SLC35F3: variants seen among roughly 807,000 people sequenced by gnomAD.
The protein encoded by SLC35F3 is putative thiamine transporter SLC35F3.
Under a neutral mutation model 49.9 loss-of-function variants are expected in SLC35F3, and 25 were observed. That is an observed-to-expected ratio of 0.50 (90% CI 0.37 to 0.70). SLC35F3 has a LOEUF of 0.70. Among genes scored for constraint, SLC35F3 ranks in the 30% least tolerant of loss-of-function variants. The probability of loss-of-function intolerance (pLI) is 0.00; values close to 1 mark genes in which losing one functional copy is unlikely to be tolerated. For synonymous variants in SLC35F3, 275 were observed against 265.4 expected (o/e 1.04, Z -0.35); for missense variants, 525 against 639.8 (o/e 0.82, Z 1.94).
At chr1:233,995,400 G>A (rs1937260) in intron 2 of SLC35F3, among the ~76,000 whole-genome samples, 41,243 of 141,102 alleles carry the variant, frequency 0.29, 5,657 homozygotes, top group East Asian at 0.5. Flanking sequence ...GGGAGCCCCT[G>A]GCCAGATGGA....
At chr1:234,005,341 G>A (rs1424342932) in intron 2 of SLC35F3, among the ~76,000 whole-genome samples, 1 of 152,144 alleles carries the variant, frequency 6.6e-6, no homozygotes, top group African/African-American at 2.4e-5. Flanking sequence ...CTTCATATGA[G>A]TGACTTGTTC....
chr1:234,017,263 C>T (rs1040411713), intron 2 of SLC35F3, among the ~76,000 whole-genome samples: 2 of 152,108 alleles, frequency 1.3e-5, no homozygotes, highest in Non-Finnish European at 2.9e-5. Context: ...TCTCATTATT[C>T]AAGTGGTGAT....
Position 233,964,986 on chromosome 1 carries a change from G to C in SLC35F3, c.283+59228G>C, listed in dbSNP as rs557612854. On this transcript the variant is annotated intron_variant, in intron 2 of 7. Coordinates refer to ENST00000366618, the MANE Select transcript of SLC35F3 (RefSeq NM_173508.4). Reference sequence around the variant, plus strand: ...ATAAGTGATGTTTTTCCCAATCCCTGACCATGGCCAGTGTCATGAAGTTGT... The same window carrying C: ...ATAAGTGATGTTTTTCCCAATCCCTCACCATGGCCAGTGTCATGAAGTTGT... Among the ~76,000 whole-genome samples the C allele has an allele frequency of 1.6e-4, 24 of 152,256 alleles. No homozygotes were observed. In the South Asian group the frequency reaches 5.0e-3, roughly 32 times the overall value.
At chr1:234,258,196 G>A (rs1005182893) in intron 3 of SLC35F3, among the ~76,000 whole-genome samples, 5 of 152,230 alleles carry the variant, frequency 3.3e-5, no homozygotes, top group African/African-American at 1.2e-4. Flanking sequence ...GGGGAATGCT[G>A]ATTTGTTGAG....
intron 2 of SLC35F3, among the ~76,000 whole-genome samples, chr1:233,935,728 G>C (rs1031918508): frequency 6.6e-6 from 1 of 152,138 alleles, no homozygotes; most frequent in Non-Finnish European, 1.5e-5. Context: ...GGAGGCTCAG[G>C]GGTAAGAACT....
At chr1:234,014,063 C>A (rs112394374) in intron 2 of SLC35F3, among the ~76,000 whole-genome samples, 3,824 of 152,174 alleles carry the variant, frequency 0.025, 147 homozygotes, top group African/African-American at 0.081. Context: ...GACCAATATT[C>A]CTGATGAATA....
At chr1:234,161,667 G>A (rs908173805) in intron 2 of SLC35F3, among the ~76,000 whole-genome samples, 6 of 152,146 alleles carry the variant, frequency 3.9e-5, no homozygotes, top group African/African-American at 1.4e-4. Flanking sequence ...TTAGCGAGGT[G>A]TGGTGGCATG....
At chr1:234,099,210 C>G (rs1665177115) in intron 2 of SLC35F3, among the ~76,000 whole-genome samples, 1 of 152,058 alleles carries the variant, frequency 6.6e-6, no homozygotes, top group Non-Finnish European at 1.5e-5. Context: ...CTTAAACTAC[C>G]ATAGTTTACT....
chr1:234,123,143 T>A lies in SLC35F3; in HGVS notation c.284-108274T>A, dbSNP rs9435562. Among the ~76,000 whole-genome samples, 839 of 152,360 alleles carry A rather than the reference T, an allele frequency of 5.5e-3. 11 individuals carry two copies. Among genetic ancestry groups the A allele is most frequent in the African/African-American group, 0.019 (809 of 41,584 alleles). On this transcript the variant is annotated intron_variant, in intron 2 of 7. Transcript: ENST00000366618. Reference sequence around the variant, plus strand: ...TCTCCAGCATCTATTGTTTCTTGATTTTTTAATAATCACCATTCTGACTGG... The same window carrying A: ...TCTCCAGCATCTATTGTTTCTTGATATTTTAATAATCACCATTCTGACTGG...
At chr1:234,291,584 G>A (rs922521890) in intron 3 of SLC35F3, among the ~76,000 whole-genome samples, 17 of 152,100 alleles carry the variant, frequency 1.1e-4, no homozygotes, top group Admixed American at 3.3e-4. Context: ...CTACAGGCAC[G>A]TACCACCACA....
At chr1:234,124,487 T>C (rs914386979) in intron 2 of SLC35F3, among the ~76,000 whole-genome samples, 1 of 152,172 alleles carries the variant, frequency 6.6e-6, no homozygotes, top group Admixed American at 6.5e-5. Flanking sequence ...AATAAATTAT[T>C]ATCATTTAGC....
intron 2 of SLC35F3, 69 bp downstream of exon 2, chr1:233,905,827 G>A (rs1323556564): frequency 2.1e-6 from 3 of 1,428,476 alleles, no homozygotes; most frequent in African/African-American, 2.8e-5. Context: ...AGCAGCCTCG[G>A]GGAGCGCACG....
At chr1:234,240,565 G>A (rs555857860) in intron 3 of SLC35F3, among the ~76,000 whole-genome samples, 76 of 151,708 alleles carry the variant, frequency 5.0e-4, no homozygotes, top group Non-Finnish European at 7.7e-4. Flanking sequence ...AGATCATGCC[G>A]CTGCACTCCA....
chr1:234,028,444 G>A (rs185864845), intron 2 of SLC35F3, among the ~76,000 whole-genome samples: 5 of 152,182 alleles, frequency 3.3e-5, no homozygotes, highest in Non-Finnish European at 5.9e-5. Flanking sequence ...CTGAATGCCC[G>A]CATGGCCTCA....
At chr1:233,958,264 G>C (rs1238138715) in intron 2 of SLC35F3, among the ~76,000 whole-genome samples, 2 of 152,212 alleles carry the variant, frequency 1.3e-5, no homozygotes, top group Admixed American at 6.5e-5. Context: ...AGCTAGGTCT[G>C]ATCACTGTCT....
At chr1:234,008,692 G>C (rs1476678304) in intron 2 of SLC35F3, among the ~76,000 whole-genome samples, 2 of 152,168 alleles carry the variant, frequency 1.3e-5, no homozygotes, top group Admixed American at 6.5e-5. Context: ...GCCTGCCCTG[G>C]AGGAGTATCT....
At chr1:234,262,732 C>T (rs183530810) in intron 3 of SLC35F3, among the ~76,000 whole-genome samples, 11 of 152,304 alleles carry the variant, frequency 7.2e-5, no homozygotes, top group Non-Finnish European at 1.5e-4. Flanking sequence ...AATGCGGTTC[C>T]GGTTGTGGTC....
chr1:233,914,876 G>A (rs138184007), intron 2 of SLC35F3, among the ~76,000 whole-genome samples: 7 of 152,316 alleles, frequency 4.6e-5, no homozygotes, highest in South Asian at 2.1e-4. Context: ...AAAGGGACTT[G>A]TGCAGTTAGG....
intron 2 of SLC35F3, among the ~76,000 whole-genome samples, chr1:233,924,674 G>A (rs1662126837): frequency 6.6e-6 from 1 of 152,124 alleles, no homozygotes; most frequent in African/African-American, 2.4e-5. Context: ...CCTTCTGCTA[G>A]CTTTTGAATG....
Sources: allele counts gnomAD v4.1 joint callset (sites outside exome capture counted in the v4.1 genomes callset), GRCh38; gene constraint gnomAD v4.1.1; transcripts MANE v1.5; gene names NCBI Gene and HGNC (gene_info 2026-07-23, HGNC 2026-07-21).